The following SDCCAG8 variants were observed in gnomAD, a reference collection of about 807,000 sequenced individuals.
SDCCAG8 encodes serologically defined colon cancer antigen 8.
In SDCCAG8, 74 loss-of-function variants were observed where a neutral mutation model predicts 101.8. That is an observed-to-expected ratio of 0.73 (90% CI 0.60 to 0.88). SDCCAG8 has a LOEUF of 0.88. Ranked by LOEUF, SDCCAG8 falls within the 40% of genes least tolerant of loss-of-function variation. SDCCAG8 has a pLI of 0.00. For missense variants in SDCCAG8, 787 were observed against 822.6 expected (o/e 0.96, Z 0.53); for synonymous variants, 281 against 292.9 (o/e 0.96, Z 0.41).
chr1:243,274,261 A>G (rs998655469), intron 3 of SDCCAG8, among the ~76,000 whole-genome samples: 3 of 152,198 alleles, frequency 2.0e-5, no homozygotes, highest in Admixed American at 1.3e-4. Context: ...CATTATCATG[A>G]GGATAGCACC....
At chr1:243,368,366 C>T (rs1239996325) in intron 12 of SDCCAG8, among the ~76,000 whole-genome samples, 1 of 152,092 alleles carries the variant, frequency 6.6e-6, no homozygotes, top group Non-Finnish European at 1.5e-5. Context: ...TATAGGTCTA[C>T]ATTAGTCTTT....
At chr1:243,293,821 A>G (rs573564018) in intron 6 of SDCCAG8, among the ~76,000 whole-genome samples, 5 of 152,322 alleles carry the variant, frequency 3.3e-5, no homozygotes, top group African/African-American at 9.6e-5. Flanking sequence ...ATTGGATCAT[A>G]TGGTAATTCT....
At chr1:243,369,438 T>A (rs1179895845) in intron 12 of SDCCAG8, among the ~76,000 whole-genome samples, 1 of 152,146 alleles carries the variant, frequency 6.6e-6, no homozygotes, top group Admixed American at 6.6e-5. Flanking sequence ...AGTTGAATGG[T>A]GGATGGAGTC....
At chr1:243,297,900 T>A (rs2071090357) in intron 6 of SDCCAG8, among the ~76,000 whole-genome samples, 2 of 152,196 alleles carry the variant, frequency 1.3e-5, no homozygotes, top group South Asian at 4.1e-4. Context: ...ACTCTCTTGA[T>A]AGTTTGCTTG....
intron 13 of SDCCAG8, among the ~76,000 whole-genome samples, chr1:243,415,248 G>A (rs948176491): frequency 3.9e-5 from 6 of 152,130 alleles, no homozygotes; most frequent in Middle Eastern, 3.2e-3. Flanking sequence ...AGAGGCTCCT[G>A]CATTATATTT....
intron 7 of SDCCAG8, 27 bp downstream of exon 7, chr1:243,304,804 C>T (rs377544552): frequency 3.1e-6 from 4 of 1,292,024 alleles, no homozygotes; most frequent in Non-Finnish European, 3.4e-6. Flanking sequence ...CATTTATAGT[C>T]ATACCAAAAG....
At chr1:243,460,264 A>AT (rs1005124950) in intron 16 of SDCCAG8, among the ~76,000 whole-genome samples, 99 of 150,812 alleles carry the variant, frequency 6.6e-4, no homozygotes, top group African/African-American at 1.0e-3. Flanking sequence ...AAGAGGCATG[A>AT]TTTTTTTTTT....
intron 12 of SDCCAG8, among the ~76,000 whole-genome samples, chr1:243,372,859 A>G (rs2077370092): frequency 1.4e-5 from 2 of 147,374 alleles, no homozygotes; most frequent in East Asian, 2.0e-4. Context: ...TTATCTGGGT[A>G]TGGTGACACA....
intron 16 of SDCCAG8, among the ~76,000 whole-genome samples, chr1:243,440,766 C>G (rs2082479782): frequency 6.6e-6 from 1 of 152,134 alleles, no homozygotes; most frequent in Non-Finnish European, 1.5e-5. Flanking sequence ...AAAGCAATGC[C>G]TTTCGTGCTT....
intron 9 of SDCCAG8, among the ~76,000 whole-genome samples, 165 bp from the exon 10 acceptor site, chr1:243,330,375 C>T (rs2074500339): frequency 6.6e-6 from 1 of 152,022 alleles, no homozygotes; most frequent in African/African-American, 2.4e-5. Flanking sequence ...CATTTGGATA[C>T]TCTTTTAGGT....
At chr1:243,430,561 C>A (rs181832351) in intron 16 of SDCCAG8, among the ~76,000 whole-genome samples, 1 of 152,194 alleles carries the variant, frequency 6.6e-6, no homozygotes, top group East Asian at 1.9e-4. Context: ...TCTCCTGCCT[C>A]CCGAGTAGCT....
chr1:243,490,975 C>T (rs764519275), intron 17 of SDCCAG8, among the ~76,000 whole-genome samples: 1 of 152,234 alleles, frequency 6.6e-6, no homozygotes. Context: ...GCTCTTGTCA[C>T]ATAGGAGGGA....
intron 12 of SDCCAG8, among the ~76,000 whole-genome samples, chr1:243,372,946 A>ATATC (rs1428628382): frequency 7.2e-6 from 1 of 139,200 alleles, no homozygotes; most frequent in Non-Finnish European, 1.5e-5. Context: ...ATCTATATCT[A>ATATC]TATCTATCTA....
intron 4 of SDCCAG8, among the ~76,000 whole-genome samples, chr1:243,283,260 G>A (rs543621383): frequency 7.2e-5 from 11 of 151,846 alleles, no homozygotes; most frequent in Non-Finnish European, 1.3e-4. Context: ...TATTTTTGGG[G>A]GGTATTTATC....
intron 17 of SDCCAG8, among the ~76,000 whole-genome samples, chr1:243,494,633 C>G (rs73120374): frequency 6.6e-6 from 1 of 152,206 alleles, no homozygotes; most frequent in African/African-American, 2.4e-5. Context: ...ACTTGCTCTT[C>G]CGTTAACAGT....
intron 13 of SDCCAG8, among the ~76,000 whole-genome samples, chr1:243,389,161 A>C (rs1241730409): frequency 8.0e-5 from 10 of 124,416 alleles, no homozygotes; most frequent in African/African-American, 3.1e-4. Context: ...CCCCCCCCCA[A>C]AAAAAAAATA....
intron 10 of SDCCAG8, among the ~76,000 whole-genome samples, chr1:243,332,090 A>G (rs954144092): frequency 2.0e-5 from 3 of 152,176 alleles, no homozygotes; most frequent in South Asian, 2.1e-4. Context: ...AGAGGGTTTC[A>G]GGCCCAGGAA....
chr1:243,258,495 C>T (rs894100962), intron 1 of SDCCAG8, among the ~76,000 whole-genome samples: 1 of 152,146 alleles, frequency 6.6e-6, no homozygotes, highest in African/African-American at 2.4e-5. Flanking sequence ...GCCTCTGCCT[C>T]CTGGATTCAA....
At chr1:243,472,442 C>T (rs1167566144) in intron 16 of SDCCAG8, among the ~76,000 whole-genome samples, 1 of 152,210 alleles carries the variant, frequency 6.6e-6, no homozygotes, top group Admixed American at 6.5e-5. Context: ...GTCTGTGCTG[C>T]ACACCATGGG....
Sources: allele counts gnomAD v4.1 joint callset (sites outside exome capture counted in the v4.1 genomes callset), GRCh38; gene constraint gnomAD v4.1.1; transcripts MANE v1.5; gene names NCBI Gene and HGNC (gene_info 2026-07-23, HGNC 2026-07-21).